CTNNAL1: variants seen among roughly 807,000 people sequenced by gnomAD.
CTNNAL1 encodes catenin alpha like 1.
A neutral mutation model predicts 93.6 loss-of-function variants in CTNNAL1; 69 were observed. The observed-to-expected ratio is 0.74, with a 90% CI of 0.61 to 0.90. The LOEUF is 0.90. Ranked by LOEUF, CTNNAL1 falls within the 40% of genes least tolerant of loss-of-function variation. The probability of loss-of-function intolerance (pLI) is 0.00; values close to 1 mark genes in which losing one functional copy is unlikely to be tolerated. For synonymous variants in CTNNAL1, 286 were observed against 305.4 expected (o/e 0.94, Z 0.66); for missense variants, 836 against 862.0 (o/e 0.97, Z 0.38).
chr9:108,952,063 C>G (rs559921348), intron 14 of CTNNAL1, 146 bp downstream of exon 14: 2 of 624,366 alleles, frequency 3.2e-6, no homozygotes, highest in Non-Finnish European at 5.3e-6. Flanking sequence ...CATTCACTTA[C>G]GTAAATTGTC....
intron 7 of CTNNAL1, among the ~76,000 whole-genome samples, chr9:108,978,385 A>G (rs541811173): frequency 8.5e-5 from 13 of 152,364 alleles, no homozygotes; most frequent in African/African-American, 3.1e-4. Flanking sequence ...TTACAAGGAA[A>G]TCAACTGCTC....
At chr9:108,997,216 T>C (rs927169191) in intron 2 of CTNNAL1, among the ~76,000 whole-genome samples, 2 of 152,184 alleles carry the variant, frequency 1.3e-5, no homozygotes, top group South Asian at 4.1e-4. Context: ...TTTCCTTTAG[T>C]TAACAATCTA....
chr9:108,965,534 GA>G lies in CTNNAL1; in HGVS notation c.1441-7del, dbSNP rs111235351. On this transcript the variant is annotated splice_region_variant and splice_polypyrimidine_tract_variant and intron_variant, in intron 10 of 18. Transcript: ENST00000325551. ...GTTTCAGCAGCAGAAATTATCTAAAGAAACACAATATACACCTGTGTGAATT... is the reference window on the plus strand; with the variant it reads ...GTTTCAGCAGCAGAAATTATCTAAAGAACACAATATACACCTGTGTGAATT... 556 of 1,541,766 alleles carry G rather than the reference GA, an allele frequency of 3.6e-4. 3 individuals are homozygous for G. In the African/African-American group the frequency reaches 6.9e-3, roughly 19 times the overall value.
intron 12 of CTNNAL1, 86 bp downstream of exon 12, chr9:108,955,704 G>T: frequency 8.7e-7 from 1 of 1,151,208 alleles, no homozygotes; most frequent in South Asian, 1.3e-5. Context: ...ATTATTTGTG[G>T]TAGAGGGGAG....
chr9:108,982,848 C>T (rs540006812), intron 6 of CTNNAL1, among the ~76,000 whole-genome samples: 1 of 152,134 alleles, frequency 6.6e-6, no homozygotes, highest in Non-Finnish European at 1.5e-5. Context: ...GAGGCCCAGG[C>T]GGGTAGATCA....
At chr9:109,000,169 T>C (rs553905835) in intron 1 of CTNNAL1, among the ~76,000 whole-genome samples, 1 of 152,320 alleles carries the variant, frequency 6.6e-6, no homozygotes, top group African/African-American at 2.4e-5. Context: ...GGCTCGGCGA[T>C]TACTTGCTAA....
intron 4 of CTNNAL1, among the ~76,000 whole-genome samples, chr9:108,988,466 C>T (rs1310658896): frequency 6.6e-6 from 1 of 152,192 alleles, no homozygotes. Context: ...TGAGTGGTCT[C>T]CCTGCCTCTG....
At chr9:108,973,975 G>T (rs1024507147) in intron 8 of CTNNAL1, among the ~76,000 whole-genome samples, 5 of 152,134 alleles carry the variant, frequency 3.3e-5, no homozygotes, top group Non-Finnish European at 5.9e-5. Context: ...AACTTAAAAA[G>T]ATTTTGTTTC....
At chr9:109,001,029 G>T (rs549764925) in intron 1 of CTNNAL1, among the ~76,000 whole-genome samples, 1 of 150,998 alleles carries the variant, frequency 6.6e-6, no homozygotes, top group Non-Finnish European at 1.5e-5. Flanking sequence ...AAAATTAGCC[G>T]GGTGTGGTGG....
chr9:108,953,088 T>G (rs1830606598), intron 12 of CTNNAL1, among the ~76,000 whole-genome samples: 1 of 152,200 alleles, frequency 6.6e-6, no homozygotes, highest in Admixed American at 6.6e-5. Context: ...ATTTAATATG[T>G]GAACCAATGT....
At chr9:108,987,906 T>A (rs1273664840) in intron 4 of CTNNAL1, among the ~76,000 whole-genome samples, 1 of 152,224 alleles carries the variant, frequency 6.6e-6, no homozygotes, top group Non-Finnish European at 1.5e-5. Flanking sequence ...TGAAGTTGCT[T>A]ATCAGCTTAA....
In CTNNAL1 at chr9:108,970,314, A is replaced by G. The variant is rs921878999; in HGVS notation, c.1440+88T>C. 9.0e-5 allele frequency: 109 copies of G among 1,207,796 alleles called. 1 individual carries two copies. The African/African-American group carries it at 1.5e-3, about 17-fold the overall frequency. The allele number at this position is 1,207,796 out of a possible 1,614,324, so 74.8% of individuals were successfully genotyped here. ...TATGTATATTTGGACTCTAGTTATG[A>G]AAAACCATTTATACCTTCCATCCAC... On this transcript the variant is annotated intron_variant, in intron 10 of 18. Transcript: ENST00000325551.
intron 8 of CTNNAL1, among the ~76,000 whole-genome samples, chr9:108,973,743 T>C (rs751905933): frequency 1.3e-5 from 2 of 152,028 alleles, no homozygotes; most frequent in Non-Finnish European, 2.9e-5. Context: ...AGATCATTTT[T>C]AATAACATTG....
intron 6 of CTNNAL1, among the ~76,000 whole-genome samples, chr9:108,981,588 CT>C (rs1474893373): frequency 6.6e-6 from 1 of 152,090 alleles, no homozygotes; most frequent in African/African-American, 2.4e-5. Flanking sequence ...CCATTACTGT[CT>C]TTTCACCCCA....
intron 8 of CTNNAL1, 31 bp from the exon 9 acceptor site, chr9:108,972,864 G>GCCCCCC: frequency 2.2e-4 from 32 of 142,448 alleles, no homozygotes; most frequent in Non-Finnish European, 3.1e-4. Context: ...GGGGGGGTGG[G>GCCCCCC]AGGGTGGAGA....
chr9:109,013,436 C>T lies in CTNNAL1; in HGVS notation c.7G>A (p.Ala3Thr), dbSNP rs1382062760. Reference sequence around the variant, plus strand: ...CCAACGCCGGCGGGTCCGGGAGAGGCGGCCATGGCCCTCGGTCTATCCCGC... The same window carrying T: ...CCAACGCCGGCGGGTCCGGGAGAGGTGGCCATGGCCCTCGGTCTATCCCGC... MA[A>T]SPGPAGVGGA... Residue 3 changes from alanine to threonine, a missense_variant, in exon 1 of 19, where the codon GCC (alanine) becomes ACC (threonine). Ala to Thr is a moderately conservative substitution (Grantham distance 58, BLOSUM62 0). Coordinates refer to ENST00000325551, the MANE Select transcript of CTNNAL1 (RefSeq NM_003798.4). The T allele has an allele frequency of 6.8e-7, 1 of 1,472,846 alleles. No homozygotes were observed. The highest frequency in any genetic ancestry group is 3.0e-5 in the East Asian group (1 of 33,520). The allele number at this position is 1,472,846 out of a possible 1,614,324, so 91.2% of individuals were successfully genotyped here. A position where few individuals can be genotyped will look rare whatever the true frequency, so the allele number is the denominator to read the frequency against.
chr9:108,977,925 T>C (rs539865646), intron 7 of CTNNAL1, among the ~76,000 whole-genome samples: 1 of 152,344 alleles, frequency 6.6e-6, no homozygotes, highest in South Asian at 2.1e-4. Context: ...GATTTTAGCT[T>C]ATTCATCTTT....
At chr9:108,985,791 A>C (rs1254931573) in intron 4 of CTNNAL1, among the ~76,000 whole-genome samples, 5 of 152,286 alleles carry the variant, frequency 3.3e-5, no homozygotes, top group African/African-American at 1.2e-4. Context: ...ACAATGCATC[A>C]AGTGTGTATG....
chr9:108,959,643 G>A (rs1830778566), intron 11 of CTNNAL1, among the ~76,000 whole-genome samples: 1 of 152,018 alleles, frequency 6.6e-6, no homozygotes, highest in Admixed American at 6.6e-5. Flanking sequence ...CAAAGAAGTA[G>A]CATAAACAAA....
Sources: gnomAD v4.1 joint callset for allele counts (sites outside exome capture counted in the v4.1 genomes callset) on GRCh38, gnomAD v4.1.1 for gene constraint, MANE v1.5 for transcripts, NCBI Gene and HGNC (gene_info 2026-07-23, HGNC 2026-07-21) for gene names.